The following SMIM23 variants were observed in gnomAD, a reference collection of about 807,000 sequenced individuals.
The protein encoded by SMIM23 is CTB-78H18.1.
SMIM23 carries 10 observed loss-of-function variants against 12.8 expected under a neutral mutation model. The observed-to-expected ratio is 0.78, with a 90% CI of 0.48 to 1.32. The LOEUF (loss-of-function observed/expected upper bound fraction) is 1.32, where lower values mean the gene tolerates loss of function less well. Among genes scored for constraint, SMIM23 ranks in the 40% most tolerant of loss-of-function variants. The pLI, the probability that SMIM23 is intolerant of heterozygous loss-of-function variation, is 0.00. For synonymous variants in SMIM23, 78 were observed against 80.1 expected, an observed-to-expected ratio of 0.97 and a Z score of 0.14; for missense variants, 184 against 198.2, an observed-to-expected ratio of 0.93 and a Z score of 0.43.
At chr5:171,787,569 A>G (rs1025635577) in intron 1 of SMIM23, among the ~76,000 whole-genome samples, 6 of 152,258 alleles carry the variant, frequency 3.9e-5, no homozygotes, top group Non-Finnish European at 7.3e-5. Context: ...CCAGGCCACG[A>G]AAACTCATCA....
At chr5:171,785,026 G>A (rs1469922067), upstream of SMIM23, among the ~76,000 whole-genome samples, 3 of 152,180 alleles carry the variant, frequency 2.0e-5, no homozygotes, top group Non-Finnish European at 2.9e-5. Flanking sequence ...CAGGAGTTAA[G>A]GACAGTGTGG....
chr5:171,784,366 G>A (rs982218049), upstream of SMIM23, among the ~76,000 whole-genome samples: 4 of 152,114 alleles, frequency 2.6e-5, no homozygotes, highest in African/African-American at 4.8e-5. Context: ...TTAGCCGGGT[G>A]TGGTGGCGGG....
chr5:171,781,508 C>T (rs2113644171), upstream of SMIM23, among the ~76,000 whole-genome samples: 1 of 151,288 alleles, frequency 6.6e-6, no homozygotes, highest in East Asian at 2.0e-4. Flanking sequence ...GGTGCATCCA[C>T]CACCGGCTGG....
At chr5:171,785,171 C>T (rs915589564), upstream of SMIM23, among the ~76,000 whole-genome samples, 8 of 152,184 alleles carry the variant, frequency 5.3e-5, no homozygotes, top group African/African-American at 1.9e-4. Context: ...CACACACACA[C>T]ACACACAAAT....
At position 171,785,887 on chromosome 5, in the gene SMIM23, G is replaced by A. The variant is rs762886033; in HGVS notation, c.16G>A (p.Val6Met). 48 of 1,536,138 alleles carry A rather than the reference G, an allele frequency of 3.1e-5. No homozygotes were observed. The highest frequency in any genetic ancestry group is 3.3e-4 in the Middle Eastern group (2 of 6,012). Residue 6 changes from valine (V) to methionine (M), a missense_variant, in exon 1 of 4, where the codon GTG becomes ATG. Coordinates refer to ENST00000523047, the MANE Select transcript of SMIM23 (RefSeq NM_001289970.2). The part of the protein sequence containing the change: MATQQ[V>M]DSRRQVAAEQ... The stretch of plus-strand genomic sequence containing the variant: ...ATCTGAGGCCATGGCAACCCAGCAA[G>A]TGGACAGCAGAAGGCAGGTGGCAGC...
rs1311408306 is a variant in SMIM23, at chr5:171,785,981, G to A, written c.105+5G>A. The A allele has an allele frequency of 6.5e-7, 1 of 1,535,084 alleles. No individual in the cohort carries two copies. The highest frequency in any genetic ancestry group is 8.7e-7 in the Non-Finnish European group (1 of 1,145,840). Reference sequence around the variant, plus strand: ...CACTGTGATGACGAGAAGCAGGTGAGGCCAGGCCAGGTACATGCTGCTTTC... The same window carrying A: ...CACTGTGATGACGAGAAGCAGGTGAAGCCAGGCCAGGTACATGCTGCTTTC... On this transcript the variant is annotated splice_donor_5th_base_variant and intron_variant, in intron 1 of 3. Coordinates refer to ENST00000523047, the MANE Select transcript of SMIM23 (RefSeq NM_001289970.2).
chr5:171,782,085 C>G (rs778001815), upstream of SMIM23, among the ~76,000 whole-genome samples: 1 of 152,210 alleles, frequency 6.6e-6, no homozygotes, highest in Admixed American at 6.5e-5. Context: ...TGTTGTTTCG[C>G]TCTTCACAGT....
chr5:171,773,444 T>G, the SMIM23 span, among the ~76,000 whole-genome samples: 2 of 90,394 alleles, frequency 2.2e-5, no homozygotes, highest in South Asian at 6.3e-4. Flanking sequence ...TGCTTGCTTT[T>G]GGTTAATCCA....
At chr5:171,784,481 G>C (rs955430431), upstream of SMIM23, among the ~76,000 whole-genome samples, 1 of 151,966 alleles carries the variant, frequency 6.6e-6, no homozygotes, top group Non-Finnish European at 1.5e-5. Context: ...CTCCAGCTTG[G>C]GCGACAGAGT....
rs1755909574 is a variant in SMIM23 at position 171,790,836 on chromosome 5, A to G, written c.267A>G (p.Ile89Met). Residue 89 changes from isoleucine (I) to methionine (M), a missense_variant, in exon 4 of 4, where the codon ATA (isoleucine) becomes ATG (methionine). Ile to Met is a conservative substitution (Grantham distance 10). Coordinates refer to ENST00000523047, the MANE Select transcript of SMIM23 (RefSeq NM_001289970.2). Reference protein sequence around the residue: ...YQTNEPSEEPIKTIRNWLKEK... With the variant: ...YQTNEPSEEPMKTIRNWLKEK... Reference sequence around the variant, plus strand: ...CCAACGAGCCCTCAGAAGAACCGATAAAGACCATCAGGAACTGGCTGAAGG... The same window carrying G: ...CCAACGAGCCCTCAGAAGAACCGATGAAGACCATCAGGAACTGGCTGAAGG... The G allele has an allele frequency of 6.5e-7, 1 of 1,536,036 alleles. No individual in the cohort carries two copies. Among genetic ancestry groups the G allele is most frequent in the African/African-American group, 1.4e-5 (1 of 73,048 alleles).
chr5:171,785,755 C>T (rs1755803456), upstream of SMIM23: 2 of 783,970 alleles, frequency 2.6e-6, no homozygotes, highest in Admixed American at 2.1e-5. Flanking sequence ...CTGTCCCTAC[C>T]TTCTGTGACA....
chr5:171,773,988 C>T, the SMIM23 span: 2 of 381,702 alleles, frequency 5.2e-6, no homozygotes, highest in Admixed American at 6.6e-5. Flanking sequence ...GCCATTTGTG[C>T]ATTTCTTGTG....
chr5:171,773,193 T>C, the SMIM23 span, among the ~76,000 whole-genome samples: 1 of 152,194 alleles, frequency 6.6e-6, no homozygotes, highest in Non-Finnish European at 1.5e-5. Context: ...TTCGGTTCTC[T>C]TGAGTCCGAC....
upstream of SMIM23, among the ~76,000 whole-genome samples, chr5:171,778,149 C>G (rs982950612): frequency 6.6e-6 from 1 of 152,096 alleles, no homozygotes; most frequent in Non-Finnish European, 1.5e-5. Flanking sequence ...CACCCAAGGT[C>G]GGGAGTTCAA....
rs371618794 is a variant in SMIM23 at position 171,790,676 on chromosome 5, CTACG to C, written c.226-118_226-115del. The stretch of plus-strand genomic sequence containing the variant: ...CAAGTGCAGAAGGTGGGAACAGGTA[CTACG>C]AGCACAATGAGTAGCATGTGCAAAG... On this transcript the variant is annotated intron_variant, in intron 3 of 3. Coordinates refer to ENST00000523047, the MANE Select transcript of SMIM23 (RefSeq NM_001289970.2). 9.2e-5 allele frequency: 127 copies of C among 1,378,934 alleles called. No homozygotes were observed. The African/African-American group carries it at 1.5e-3, about 16-fold the overall frequency. 85.4% of individuals were successfully genotyped at this position (1,378,934 alleles called of 1,614,324 possible).
chr5:171,773,936 G>A, the SMIM23 span: 1 of 432,046 alleles, frequency 2.3e-6, no homozygotes, highest in Non-Finnish European at 4.6e-6. Flanking sequence ...CAAGGAGGTG[G>A]GGCTCATGCC....
At chr5:171,781,104 A>G (rs1462388586), upstream of SMIM23, among the ~76,000 whole-genome samples, 3 of 152,250 alleles carry the variant, frequency 2.0e-5, no homozygotes, top group Non-Finnish European at 2.9e-5. Context: ...TTAGTTGCAC[A>G]TGGTAATGAT....
upstream of SMIM23, among the ~76,000 whole-genome samples, chr5:171,779,496 G>A (rs78954822): frequency 0.018 from 2,781 of 152,210 alleles, 78 homozygotes; most frequent in African/African-American, 0.063. Flanking sequence ...CAGGTTGTGA[G>A]GTCTTTTCCC....
At chr5:171,776,259 G>C in the SMIM23 span, among the ~76,000 whole-genome samples, 1 of 149,718 alleles carries the variant, frequency 6.7e-6, no homozygotes, top group Admixed American at 6.6e-5. Context: ...CACAGTGAGC[G>C]GGGGAGGGGG....
Sources: allele counts gnomAD v4.1 joint callset (sites outside exome capture counted in the v4.1 genomes callset), GRCh38; gene constraint gnomAD v4.1.1; transcripts MANE v1.5; gene names NCBI Gene and HGNC (gene_info 2026-07-23, HGNC 2026-07-21).